Variants in ENTPD1 observed in about 807,000 individuals in gnomAD.
ENTPD1 encodes the protein ATP diphosphohydrolase.
Under a neutral mutation model 57.0 loss-of-function variants are expected in ENTPD1, and 33 were observed. That is an observed-to-expected ratio of 0.58 (90% confidence interval 0.44 to 0.77). The LOEUF (loss-of-function observed/expected upper bound fraction) is 0.77, where lower values mean the gene tolerates loss of function less well. ENTPD1 is among the 30% of genes least tolerant of loss of function. ENTPD1 has a pLI of 0.00. For synonymous variants in ENTPD1, 202 were observed against 218.8 expected, an observed-to-expected ratio of 0.92 and a Z score of 0.68; for missense variants, 501 against 603.4, an observed-to-expected ratio of 0.83 and a Z score of 1.78.
intron 1 of ENTPD1, among the ~76,000 whole-genome samples, chr10:95,817,551 C>G (rs2098334330): frequency 6.6e-6 from 1 of 152,226 alleles, no homozygotes; most frequent in South Asian, 2.1e-4. Flanking sequence ...CTAGTGCCCT[C>G]AAGGCCTTAT....
chr10:95,791,225 A>G lies in ENTPD1; in HGVS notation c.17-32012A>G, dbSNP rs2098202405. ...TTTAGTTTCCAGGTGAAGGGCTATA[A>G]TAACTTCACTGTATCTGCTATATTC... On this transcript the variant is annotated intron_variant, in intron 1 of 9. Transcript: ENST00000371205. This position sits in a 1 kb window ranked among gnomAD's most constrained non-coding sequence, Gnocchi z 4.1. Among the ~76,000 whole-genome samples the G allele has an allele frequency of 6.6e-6, 1 of 152,214 alleles. No homozygotes were observed. The highest frequency in any genetic ancestry group is 2.1e-4 in the South Asian group (1 of 4,832).
Position 95,871,429 on chromosome 10 carries a change from G to T in ENTPD1, c.*5046G>T. 1.0e-6 allele frequency: 1 copy of T among 985,390 alleles called. No homozygotes were observed. 61.0% of individuals were successfully genotyped at this position (985,390 alleles called of 1,614,324 possible). ...ATTAGCCTCGCATTCTAAACTGGTA[G>T]ATGTCCTAGGAAACCATACATCTAT... On this transcript the variant is annotated 3_prime_UTR_variant, in exon 10 of 10. Transcript: ENST00000371205.
intron 1 of ENTPD1, among the ~76,000 whole-genome samples, chr10:95,818,723 GAGA>G (rs2098338432): frequency 6.6e-6 from 1 of 152,202 alleles, no homozygotes; most frequent in Non-Finnish European, 1.5e-5. Context: ...TTCCCTGATG[GAGA>G]AGAAGGAAGG....
At chr10:95,741,584 C>T (rs1025272954) in intron 1 of ENTPD1, among the ~76,000 whole-genome samples, 1 of 152,166 alleles carries the variant, frequency 6.6e-6, no homozygotes, top group Non-Finnish European at 1.5e-5. Context: ...TTGTAAAAAT[C>T]GCAACGTCTG....
intron 7 of ENTPD1, among the ~76,000 whole-genome samples, chr10:95,849,094 T>C (rs2098440495): frequency 6.6e-6 from 1 of 152,206 alleles, no homozygotes. Context: ...ATTGTCATTA[T>C]GTTTTGAAGA....
At chr10:95,756,584 G>A in intron 1 of ENTPD1, 1 of 339,162 alleles carries the variant, frequency 2.9e-6, no homozygotes, top group Non-Finnish European at 5.5e-6. Flanking sequence ...TGCCTCATCT[G>A]CAGTCCGGAC....
intron 1 of ENTPD1, among the ~76,000 whole-genome samples, chr10:95,806,450 G>A (rs1255570075): frequency 6.6e-6 from 1 of 152,178 alleles, no homozygotes; most frequent in Non-Finnish European, 1.5e-5. Context: ...TTAGTTCAGA[G>A]AAGTTTGTTA....
chr10:95,710,214 G>A (rs1434295668), upstream of ENTPD1, among the ~76,000 whole-genome samples: 4 of 152,058 alleles, frequency 2.6e-5, no homozygotes, highest in Non-Finnish European at 4.4e-5. Flanking sequence ...AGACTAGCTT[G>A]GCCAATATGG....
intron 1 of ENTPD1, among the ~76,000 whole-genome samples, chr10:95,733,623 C>A (rs1338190811): frequency 1.3e-5 from 2 of 152,228 alleles, no homozygotes; most frequent in Non-Finnish European, 2.9e-5. Context: ...GAAATCTTCA[C>A]AATTTATGTT....
At chr10:95,797,093 TAAG>T (rs973647918) in intron 1 of ENTPD1, among the ~76,000 whole-genome samples, 2 of 151,312 alleles carry the variant, frequency 1.3e-5, no homozygotes, top group African/African-American at 4.9e-5. Flanking sequence ...AAAAACAAAA[TAAG>T]GAGATAAACA....
intron 1 of ENTPD1, among the ~76,000 whole-genome samples, chr10:95,796,929 A>G (rs868514642): frequency 6.6e-6 from 1 of 152,010 alleles, no homozygotes; most frequent in East Asian, 1.9e-4. Context: ...AAAATTAGCC[A>G]GGTGCGGTGG....
chr10:95,815,113 C>T (rs1045101319), intron 1 of ENTPD1, among the ~76,000 whole-genome samples: 10 of 152,180 alleles, frequency 6.6e-5, no homozygotes, highest in African/African-American at 2.2e-4. Context: ...GAATGTGACT[C>T]TGGATTGGTT....
chr10:95,755,547 T>A, upstream of ENTPD1: 1 of 669,048 alleles, frequency 1.5e-6, no homozygotes, highest in Non-Finnish European at 2.5e-6. Flanking sequence ...CTTTCATCAA[T>A]TCATAGCCAG....
chr10:95,796,139 C>T (rs1218861346), intron 1 of ENTPD1, among the ~76,000 whole-genome samples: 1 of 152,120 alleles, frequency 6.6e-6, no homozygotes, highest in Non-Finnish European at 1.5e-5. Context: ...TACTAAAAGT[C>T]TAAATCCATT....
intron 6 of ENTPD1, chr10:95,846,438 A>G (rs1307008263): frequency 6.6e-6 from 1 of 152,300 alleles, no homozygotes; most frequent in African/African-American, 2.4e-5. Context: ...ACTCAACATC[A>G]TGTGAGTACC....
intron 1 of ENTPD1, among the ~76,000 whole-genome samples, chr10:95,786,200 C>T (rs927669138): frequency 2.6e-5 from 4 of 152,172 alleles, no homozygotes; most frequent in African/African-American, 9.7e-5. Context: ...CTCCCCTTCC[C>T]ATAATGACTC....
upstream of ENTPD1, among the ~76,000 whole-genome samples, chr10:95,710,004 C>G (rs1414410461): frequency 1.3e-5 from 2 of 151,938 alleles, no homozygotes; most frequent in South Asian, 4.1e-4. Flanking sequence ...GAACTCCTGA[C>G]CTTAGGTGAT....
Position 95,845,533 on chromosome 10 carries a change from A to C in ENTPD1, c.750A>C (p.Thr250=), listed in dbSNP as rs2098433476. The change falls in exon 6 of 10, where the codon ACA becomes ACC. Residue 250 remains threonine (T), a synonymous_variant. Coordinates refer to ENST00000371205, the MANE Select transcript of ENTPD1 (RefSeq NM_001776.6). ...RLYGKDYNVY[T]HSFLCYGKDQ... ...ATGGCAAGGACTACAATGTCTACAC[A>C]CATAGCTTCTTGTGCTATGGGAAGG... 4 of 1,614,058 alleles carry C rather than the reference A, an allele frequency of 2.5e-6. No individual in the cohort carries two copies. The highest frequency in any genetic ancestry group is 3.4e-6 in the Non-Finnish European group (4 of 1,180,024).
At chr10:95,697,622 A>T in the ENTPD1 span, among the ~76,000 whole-genome samples, 1 of 152,058 alleles carries the variant, frequency 6.6e-6, no homozygotes, top group Non-Finnish European at 1.5e-5. Context: ...AGGAACAGAG[A>T]CCTGAGTTAG....
Sources: gnomAD v4.1 joint callset for allele counts (sites outside exome capture counted in the v4.1 genomes callset) on GRCh38, gnomAD v4.1.1 for gene constraint, Gnocchi (gnomAD v3.1) non-coding constraint, MANE v1.5 for transcripts, NCBI Gene and HGNC (gene_info 2026-07-23, HGNC 2026-07-21) for gene names.